The following B3GALT1 variants were observed in gnomAD, a reference collection of about 807,000 sequenced individuals.
B3GALT1 encodes beta-1,3-galactosyltransferase 1.
Under a neutral mutation model 23.2 loss-of-function variants are expected in B3GALT1, and 10 were observed. That is an observed-to-expected ratio of 0.43 (90% CI 0.27 to 0.73). B3GALT1 has a LOEUF of 0.73. B3GALT1 is among the 30% of genes least tolerant of loss of function. B3GALT1 has a pLI of 0.21. For synonymous variants in B3GALT1, 156 were observed against 141.5 expected (o/e 1.10, Z -0.73); for missense variants, 299 against 405.4 (o/e 0.74, Z 2.25).
chr2:167,595,022 TTGATC>T (rs1684752176), intron 2 of B3GALT1, among the ~76,000 whole-genome samples: 1 of 152,198 alleles, frequency 6.6e-6, no homozygotes, highest in Non-Finnish European at 1.5e-5. Context: ...ACTTTGGCAC[TTGATC>T]TGTCCATCAA....
intron 2 of B3GALT1, among the ~76,000 whole-genome samples, chr2:167,606,722 G>A (rs1459804708): frequency 1.3e-5 from 2 of 152,184 alleles, no homozygotes; most frequent in African/African-American, 4.8e-5. Flanking sequence ...AACTTAAAGT[G>A]TTCTCATGAA....
intron 2 of B3GALT1, among the ~76,000 whole-genome samples, chr2:167,548,407 A>G (rs1242467286): frequency 6.6e-6 from 1 of 152,212 alleles, no homozygotes; most frequent in Non-Finnish European, 1.5e-5. Context: ...GATGCTTGGC[A>G]TCTCAGTATG....
intron 2 of B3GALT1, among the ~76,000 whole-genome samples, chr2:167,549,547 T>G (rs563646530): frequency 7.2e-5 from 11 of 152,322 alleles, no homozygotes; most frequent in African/African-American, 2.4e-4. Context: ...CTATGTTCAA[T>G]TCTTACCTAC....
intron 2 of B3GALT1, among the ~76,000 whole-genome samples, chr2:167,613,824 T>A (rs578118118): frequency 1.8e-4 from 28 of 151,980 alleles, no homozygotes; most frequent in African/African-American, 6.7e-4. Flanking sequence ...AATATAAAGA[T>A]ATTTAAATAT....
intron 1 of B3GALT1, among the ~76,000 whole-genome samples, chr2:167,319,447 AT>A (rs1696770676): frequency 6.6e-6 from 1 of 152,134 alleles, no homozygotes; most frequent in African/African-American, 2.4e-5. Context: ...GTTTTCAGTT[AT>A]CAAATACCTA....
At chr2:167,520,131 G>T (rs1700166404) in intron 2 of B3GALT1, among the ~76,000 whole-genome samples, 1 of 151,886 alleles carries the variant, frequency 6.6e-6, no homozygotes, top group Admixed American at 6.6e-5. Flanking sequence ...CATGTTAAAT[G>T]GAATTAAAAG....
chr2:167,781,390 A>C (rs950712880), intron 3 of B3GALT1, among the ~76,000 whole-genome samples: 1 of 152,170 alleles, frequency 6.6e-6, no homozygotes, highest in Non-Finnish European at 1.5e-5. Flanking sequence ...GTTTTTTCAC[A>C]GGAACTTTCT....
chr2:167,470,737 G>T (rs1699409618), intron 1 of B3GALT1, among the ~76,000 whole-genome samples: 1 of 152,080 alleles, frequency 6.6e-6, no homozygotes, highest in South Asian at 2.1e-4. Context: ...AGTTAAGATT[G>T]GGTTCATCTT....
At position 167,471,530 on chromosome 2, in the gene B3GALT1, T is replaced by C. The variant is rs141942923; in HGVS notation, c.-510-18647T>C. On this transcript the variant is annotated intron_variant, in intron 1 of 4. Coordinates refer to ENST00000392690, the MANE Select transcript of B3GALT1 (RefSeq NM_020981.4). ...ATGAGCTTTGGGGAAACCCAGCTGA[T>C]GCAGAGTTTGGTAGATTACTATAAA... Among the ~76,000 whole-genome samples the C allele has an allele frequency of 4.5e-4, 69 of 152,300 alleles. 3 individuals are homozygous for C. The East Asian group carries it at 0.011, about 25-fold the overall frequency.
chr2:167,738,819 C>T (rs1687531284), intron 3 of B3GALT1, among the ~76,000 whole-genome samples: 5 of 152,192 alleles, frequency 3.3e-5, no homozygotes, highest in Admixed American at 3.3e-4. Flanking sequence ...CCAACTCTTA[C>T]TACATTTGAA....
At chr2:167,867,635 C>T (rs1419969646) in intron 4 of B3GALT1, among the ~76,000 whole-genome samples, 1 of 151,976 alleles carries the variant, frequency 6.6e-6, no homozygotes, top group African/African-American at 2.4e-5. Context: ...ATCTATATTC[C>T]CAATTAAATT....
chr2:167,656,310 T>C (rs1464755005), intron 3 of B3GALT1, among the ~76,000 whole-genome samples: 1 of 152,142 alleles, frequency 6.6e-6, no homozygotes, highest in Non-Finnish European at 1.5e-5. Flanking sequence ...TCAACACTTG[T>C]AGATAATCAC....
intron 4 of B3GALT1, among the ~76,000 whole-genome samples, chr2:167,822,910 T>C (rs1689138624): frequency 1.3e-5 from 2 of 152,182 alleles, no homozygotes; most frequent in African/African-American, 4.8e-5. Context: ...CAATCAGATG[T>C]GTTTTCTCTT....
At chr2:167,629,264 G>A (rs747236770) in intron 2 of B3GALT1, among the ~76,000 whole-genome samples, 1 of 151,704 alleles carries the variant, frequency 6.6e-6, no homozygotes, top group Non-Finnish European at 1.5e-5. Context: ...TGGTGTAAAA[G>A]TCCCATTGGC....
intron 1 of B3GALT1, among the ~76,000 whole-genome samples, chr2:167,433,901 C>A: frequency 6.6e-6 from 1 of 152,152 alleles, no homozygotes; most frequent in Admixed American, 6.5e-5. Context: ...GCCCTCCAAC[C>A]TGGGTGACAG....
chr2:167,672,864 T>C (rs1467731905), intron 3 of B3GALT1, among the ~76,000 whole-genome samples: 1 of 152,092 alleles, frequency 6.6e-6, no homozygotes, highest in Non-Finnish European at 1.5e-5. Context: ...ATTATAACTA[T>C]ATTTTATGGC....
At chr2:167,486,563 CA>C (rs1308602956) in intron 1 of B3GALT1, among the ~76,000 whole-genome samples, 3 of 151,482 alleles carry the variant, frequency 2.0e-5, no homozygotes, top group African/African-American at 7.3e-5. Flanking sequence ...ACTAAAAATA[CA>C]AAAACTAGCT....
At chr2:167,614,937 G>C (rs1412394701) in intron 2 of B3GALT1, among the ~76,000 whole-genome samples, 1 of 151,856 alleles carries the variant, frequency 6.6e-6, no homozygotes, top group Non-Finnish European at 1.5e-5. Context: ...CTTAAAAGAA[G>C]TTTCAGAGTG....
chr2:167,868,641 A>G (rs1574311434), intron 4 of B3GALT1, among the ~76,000 whole-genome samples, 170 bp from the exon 5 acceptor site: 1 of 152,082 alleles, frequency 6.6e-6, no homozygotes. Flanking sequence ...TATCAAGGAG[A>G]GAGGAAAAGG....
Sources: allele counts gnomAD v4.1 joint callset (sites outside exome capture counted in the v4.1 genomes callset), GRCh38; gene constraint gnomAD v4.1.1; transcripts MANE v1.5; gene names NCBI Gene and HGNC (gene_info 2026-07-23, HGNC 2026-07-21).